The following LRRC56 variants were observed in gnomAD, a reference collection of about 807,000 sequenced individuals.
LRRC56 encodes leucine-rich repeat-containing protein 56.
LRRC56 carries 41 observed loss-of-function variants against 47.8 expected under a neutral mutation model. That is an observed-to-expected ratio of 0.86 (90% CI 0.67 to 1.11). The LOEUF (loss-of-function observed/expected upper bound fraction) is 1.11. Among genes scored for constraint, LRRC56 ranks in the 50% most tolerant of loss-of-function variants. The probability of loss-of-function intolerance (pLI) is 0.00; values close to 1 mark genes in which losing one functional copy is unlikely to be tolerated. For missense variants in LRRC56, 759 were observed against 704.2 expected (o/e 1.08, Z -0.88); for synonymous variants, 387 against 311.2 (o/e 1.24, Z -2.56).
Position 551,985 on chromosome 11 carries a change from C to T in LRRC56, c.1038+18C>T, listed in dbSNP as rs1852420276. 1 of 1,612,156 alleles carries T rather than the reference C, an allele frequency of 6.2e-7. No individual in the cohort carries two copies. The highest frequency in any genetic ancestry group is 1.7e-5 in the Admixed American group (1 of 59,970). ...AGTGCCAGGTACAGCCCACAGGGAC[C>T]AGCCCCCCACGAGAACCAGTGTCCA... On this transcript the variant is annotated intron_variant, in intron 11 of 13. Coordinates refer to ENST00000270115, the MANE Select transcript of LRRC56 (RefSeq NM_198075.4).
chr11:514,783 C>T, the LRRC56 span, among the ~76,000 whole-genome samples: 5 of 152,100 alleles, frequency 3.3e-5, no homozygotes, highest in African/African-American at 1.2e-4. Context: ...CCGAAAAATC[C>T]CTCCGACTGG....
At chr11:526,004 A>C in the LRRC56 span, among the ~76,000 whole-genome samples, 1 of 152,038 alleles carries the variant, frequency 6.6e-6, no homozygotes, top group Non-Finnish European at 1.5e-5. Flanking sequence ...TCAGGAGTTC[A>C]AGACCAGTAT....
chr11:545,452 C>G (rs925342716), intron 6 of LRRC56, among the ~76,000 whole-genome samples: 3 of 152,168 alleles, frequency 2.0e-5, no homozygotes, highest in Non-Finnish European at 4.4e-5. Context: ...GAACCCAGAC[C>G]AGACGGCAGC....
At chr11:528,694 T>C in the LRRC56 span, 1 of 152,200 alleles carries the variant, frequency 6.6e-6, no homozygotes, top group Non-Finnish European at 1.5e-5. Flanking sequence ...CAAGGACCTG[T>C]GTGCACGTTA....
the LRRC56 span, among the ~76,000 whole-genome samples, chr11:523,063 A>G: frequency 2.6e-5 from 4 of 151,876 alleles, no homozygotes; most frequent in Admixed American, 1.3e-4. Context: ...GAGCCTCGCT[A>G]TATCACCCAG....
At chr11:522,412 G>C in the LRRC56 span, among the ~76,000 whole-genome samples, 18 of 152,004 alleles carry the variant, frequency 1.2e-4, no homozygotes, top group East Asian at 1.2e-3. Flanking sequence ...ACTACAGGCG[G>C]CCGCCACCAC....
chr11:543,189 C>T (rs969269650), intron 5 of LRRC56, among the ~76,000 whole-genome samples: 8 of 141,058 alleles, frequency 5.7e-5, no homozygotes, highest in South Asian at 2.3e-4. Flanking sequence ...GATGAGCCAC[C>T]GCGCCTGGCC....
the LRRC56 span, among the ~76,000 whole-genome samples, chr11:517,626 T>G: frequency 6.6e-6 from 1 of 152,080 alleles, no homozygotes; most frequent in Non-Finnish European, 1.5e-5. Context: ...GAGGAGTGCC[T>G]CTGCCAGGCC....
intron 6 of LRRC56, among the ~76,000 whole-genome samples, chr11:549,312 A>G (rs943348750): frequency 2.6e-5 from 4 of 152,132 alleles, no homozygotes; most frequent in Admixed American, 2.6e-4. Flanking sequence ...CGAGAGGGGC[A>G]GGTGCAGGGT....
the LRRC56 span, among the ~76,000 whole-genome samples, chr11:518,244 C>T: frequency 6.6e-6 from 1 of 151,948 alleles, no homozygotes; most frequent in Non-Finnish European, 1.5e-5. Flanking sequence ...GTGCAGTGGC[C>T]CATCTCAGCT....
intron 1 of LRRC56, among the ~76,000 whole-genome samples, 156 bp downstream of exon 1, chr11:537,761 G>A (rs927078577): frequency 1.3e-5 from 2 of 152,216 alleles, no homozygotes; most frequent in Admixed American, 1.3e-4. Flanking sequence ...GGTCCCCTGA[G>A]GACCCTTGCC....
At chr11:513,542 T>C in the LRRC56 span, among the ~76,000 whole-genome samples, 2 of 152,168 alleles carry the variant, frequency 1.3e-5, no homozygotes, top group African/African-American at 2.4e-5. Context: ...GAATATTCCA[T>C]AAACTTCGTT....
chr11:533,569 C>A (rs1170748930), upstream of LRRC56: 1 of 1,613,888 alleles, frequency 6.2e-7, no homozygotes, highest in Non-Finnish European at 8.5e-7. Flanking sequence ...CCCACCAGCA[C>A]CATGGGCACG....
intron 1 of LRRC56, among the ~76,000 whole-genome samples, 175 bp downstream of exon 1, chr11:537,780 C>T (rs1056880410): frequency 6.6e-6 from 1 of 152,190 alleles, no homozygotes; most frequent in Non-Finnish European, 1.5e-5. Context: ...CCTCCACCAC[C>T]CCCTGGCCCT....
upstream of LRRC56, chr11:534,591 G>T: frequency 1.8e-6 from 1 of 563,198 alleles, no homozygotes. Context: ...CCAGTGATGG[G>T]AAAAGGGACC....
Position 551,893 on chromosome 11 carries a change from T to C in LRRC56, c.974-10T>C. On this transcript the variant is annotated splice_polypyrimidine_tract_variant and intron_variant, in intron 10 of 13. Coordinates refer to ENST00000270115, the MANE Select transcript of LRRC56 (RefSeq NM_198075.4). ...CCCCGAACCAGGCCCAGCCATGCTG[T>C]CTCTTGCAGGTGCTGGCCAAGTCCT... The C allele has an allele frequency of 6.2e-7, 1 of 1,612,476 alleles. No individual in the cohort carries two copies. Among genetic ancestry groups the C allele is most frequent in the Non-Finnish European group, 8.5e-7 (1 of 1,179,800 alleles).
chr11:510,071 T>C, the LRRC56 span, among the ~76,000 whole-genome samples: 1 of 152,022 alleles, frequency 6.6e-6, no homozygotes, highest in South Asian at 2.1e-4. Context: ...TGCCCTTTCC[T>C]TCTCCACCTG....
At chr11:553,644 C>T (rs930863672) in intron 13 of LRRC56, among the ~76,000 whole-genome samples, 20 of 152,194 alleles carry the variant, frequency 1.3e-4, no homozygotes, top group Non-Finnish European at 2.8e-4. Flanking sequence ...TGAACAGGCT[C>T]TCAGGGTCAG....
chr11:507,792 C>G, the LRRC56 span, among the ~76,000 whole-genome samples: 1 of 152,234 alleles, frequency 6.6e-6, no homozygotes, highest in Non-Finnish European at 1.5e-5. Flanking sequence ...GCCACGGCCC[C>G]GTGAACCACG....
Sources: allele counts gnomAD v4.1 joint callset (sites outside exome capture counted in the v4.1 genomes callset), GRCh38; gene constraint gnomAD v4.1.1; transcripts MANE v1.5; gene names NCBI Gene and HGNC (gene_info 2026-07-23, HGNC 2026-07-21).